MPPED1: variants seen among roughly 807,000 people sequenced by gnomAD.
MPPED1 encodes the protein metallophosphoesterase domain-containing protein 1.
A neutral mutation model predicts 36.2 loss-of-function variants in MPPED1; 16 were observed. The ratio of observed to expected loss-of-function variants is 0.44; its 90% confidence interval spans 0.30 to 0.67. The LOEUF is 0.67. Among genes scored for constraint, MPPED1 ranks in the 30% least tolerant of loss-of-function variants. The probability of loss-of-function intolerance (pLI) is 0.10; values close to 1 mark genes in which losing one functional copy is unlikely to be tolerated. For missense variants in MPPED1, 307 were observed against 453.4 expected, an observed-to-expected ratio of 0.68 and a Z score of 2.93; for synonymous variants, 199 against 191.3, an observed-to-expected ratio of 1.04 and a Z score of -0.33.
At chr22:43,497,057 A>AGGTAGTGGTGGTGGAGG (rs1569090195) in intron 4 of MPPED1, among the ~76,000 whole-genome samples, 1 of 29,116 alleles carries the variant, frequency 3.4e-5, no homozygotes, top group Non-Finnish European at 7.1e-5. Context: ...GGTGGTGGAG[A>AGGTAGTGGTGGTGGAGG]TGGTGGTGGT....
chr22:43,486,206 G>A (rs1323144345), intron 4 of MPPED1, among the ~76,000 whole-genome samples: 1 of 152,240 alleles, frequency 6.6e-6, no homozygotes, highest in African/African-American at 2.4e-5. Context: ...TGACATCTCT[G>A]AGCCTCAGTT....
At chr22:43,431,341 C>A (rs1172305547) in intron 2 of MPPED1, among the ~76,000 whole-genome samples, 2 of 152,054 alleles carry the variant, frequency 1.3e-5, no homozygotes, top group Non-Finnish European at 2.9e-5. Flanking sequence ...TTGTGCCTGG[C>A]CTCTTTCTCC....
At chr22:43,444,949 G>GA (rs940869801) in intron 3 of MPPED1, among the ~76,000 whole-genome samples, 1 of 152,078 alleles carries the variant, frequency 6.6e-6, no homozygotes, top group Admixed American at 6.5e-5. Flanking sequence ...AGCCAGGGTT[G>GA]AAAAAAAAGT....
intron 4 of MPPED1, among the ~76,000 whole-genome samples, chr22:43,481,608 C>G (rs1463342714): frequency 2.0e-5 from 3 of 152,206 alleles, no homozygotes; most frequent in African/African-American, 7.2e-5. Context: ...CAGGTTTATT[C>G]TCCTGCGATT....
chr22:43,442,136 C>T (rs1875855181), intron 3 of MPPED1, among the ~76,000 whole-genome samples: 1 of 151,904 alleles, frequency 6.6e-6, no homozygotes, highest in African/African-American at 2.4e-5. Context: ...CTGTCCTTTC[C>T]AGTCTACTCT....
At chr22:43,500,293 T>A (rs1486507565) in intron 5 of MPPED1, among the ~76,000 whole-genome samples, 13 of 107,696 alleles carry the variant, frequency 1.2e-4, no homozygotes, top group Non-Finnish European at 1.4e-4. Context: ...GTGATGGGGG[T>A]GGTGGTGGTG....
Position 43,462,389 on chromosome 22 carries a change from G to A in MPPED1, c.407-12347G>A, listed in dbSNP as rs1930984946. On this transcript the variant is annotated intron_variant, in intron 3 of 6. Coordinates refer to ENST00000443721, the MANE Select transcript of MPPED1 (RefSeq NM_001044370.2). ...CCACTCCCAGTGCAGCTCTAGTGCT[G>A]CTTCTCTTGTTTCTCGAAGGAACAA... 2.6e-5 allele frequency among the ~76,000 whole-genome samples: 4 copies of A among 152,154 alleles called. No individual in the cohort carries two copies. In the South Asian group the frequency reaches 8.3e-4, roughly 32 times the overall value.
chr22:43,474,878 T>G lies in MPPED1; in HGVS notation c.549T>G (p.Asn183Lys). The G allele has an allele frequency of 1.2e-6, 2 of 1,614,000 alleles. No individual in the cohort carries two copies. Among genetic ancestry groups the G allele is most frequent in the Non-Finnish European group, 8.5e-7 (1 of 1,179,882 alleles). ...VSKLKPENYE[N>K]VQSLLTNCIY... ...AGCTGAAGCCGGAGAACTATGAGAATGTGCAGTCGCTGCTGACCAACTGCA... is the reference window on the plus strand; with the variant it reads ...AGCTGAAGCCGGAGAACTATGAGAAGGTGCAGTCGCTGCTGACCAACTGCA... The change falls in exon 4 of 7, where the codon AAT becomes AAG. Residue 183 changes from asparagine (N) to lysine (K), a missense_variant. Around this residue, in one of 3 missense-constraint regions of MPPED1, gnomAD observed 132 missense variants for 212.3 expected, o/e 0.62. Transcript: ENST00000443721. The surrounding 1 kb of genome is among the most constrained non-coding windows in gnomAD (Gnocchi z 5.2).
intron 1 of MPPED1, chr22:43,418,816 T>C (rs118031208): frequency 0.047 from 7,138 of 152,384 alleles, 213 homozygotes; most frequent in Non-Finnish European, 0.066. Context: ...TGGGTTGTAG[T>C]GGACGTGTCC....
At chr22:43,501,127 CG>C (rs1569092476) in intron 5 of MPPED1, among the ~76,000 whole-genome samples, 1 of 152,154 alleles carries the variant, frequency 6.6e-6, no homozygotes, top group Non-Finnish European at 1.5e-5. Context: ...CAGGTGGAAG[CG>C]GAGGCCTGGG....
At chr22:43,460,258 CCCAAA>C (rs1930906400) in intron 3 of MPPED1, among the ~76,000 whole-genome samples, 1 of 134,304 alleles carries the variant, frequency 7.4e-6, no homozygotes, top group South Asian at 2.4e-4. Flanking sequence ...CAAAAACAAA[CCCAAA>C]CCCCCCCCCC....
chr22:43,494,656 TG>T (rs1292982930), intron 4 of MPPED1, among the ~76,000 whole-genome samples: 1 of 138,302 alleles, frequency 7.2e-6, no homozygotes, highest in Non-Finnish European at 1.5e-5. Context: ...TCCTGGGGGT[TG>T]GCAACATGTC....
At chr22:43,500,343 GTGGTGATGGTGATGGAGGTGGTGA>G (rs1569091978) in intron 5 of MPPED1, among the ~76,000 whole-genome samples, 9 of 144,004 alleles carry the variant, frequency 6.2e-5, no homozygotes, top group Admixed American at 4.7e-4. Flanking sequence ...GGAGGTGGTG[GTGGTGATGGTGATGGAGGTGGTGA>G]TGGGGGTGGT....
chr22:43,484,282 G>A (rs769689796), intron 4 of MPPED1, among the ~76,000 whole-genome samples: 1 of 152,242 alleles, frequency 6.6e-6, no homozygotes, highest in Non-Finnish European at 1.5e-5. Context: ...GGCAAGGCAG[G>A]ATGATCTCCA....
intron 3 of MPPED1, among the ~76,000 whole-genome samples, chr22:43,452,960 C>CTTT (rs35359750): frequency 1.1e-3 from 156 of 144,428 alleles, no homozygotes; most frequent in South Asian, 1.6e-3. Flanking sequence ...TTTAGTCTTA[C>CTTT]TTTTTTTTTT....
intron 4 of MPPED1, among the ~76,000 whole-genome samples, chr22:43,486,361 C>G (rs994269230): frequency 6.6e-6 from 1 of 152,094 alleles, no homozygotes; most frequent in African/African-American, 2.4e-5. Flanking sequence ...GAAAGCCCGG[C>G]CTCTTTGGGG....
chr22:43,496,346 G>A lies in MPPED1; in HGVS notation c.633-1889G>A, dbSNP rs1224446736. 1.4e-3 allele frequency among the ~76,000 whole-genome samples: 46 copies of A among 33,128 alleles called. 3 individuals carry two copies. The highest frequency in any genetic ancestry group is 1.7e-3 in the Non-Finnish European group (34 of 20,296). The allele number at this position is 33,128 out of a possible 152,430, so 21.7% of individuals were successfully genotyped here. ...GGTGGTGATGGAGGTGGTGATGGAG[G>A]TGGTGGTGGTGGAGGTGGTGGTGGT... On this transcript the variant is annotated intron_variant, in intron 4 of 6. Transcript: ENST00000443721.
At chr22:43,497,929 G>GTATATATATATATATATATATA (rs746068497) in intron 4 of MPPED1, among the ~76,000 whole-genome samples, 35 of 48,746 alleles carry the variant, frequency 7.2e-4, no homozygotes, top group African/African-American at 1.6e-3. Flanking sequence ...ATATATATAT[G>GTATATATATATATATATATATA]TATATGTATA....
chr22:43,431,482 G>T (rs1194379238), intron 2 of MPPED1, among the ~76,000 whole-genome samples: 1 of 152,150 alleles, frequency 6.6e-6, no homozygotes, highest in African/African-American at 2.4e-5. Flanking sequence ...CTGGCATTTA[G>T]AGGCATTCAG....
Sources: gnomAD v4.1 joint callset for allele counts (sites outside exome capture counted in the v4.1 genomes callset) on GRCh38, gnomAD v4.1.1 for gene constraint, gnomAD v4.1.1 regional missense constraint, Gnocchi (gnomAD v3.1) non-coding constraint, MANE v1.5 for transcripts, NCBI Gene and HGNC (gene_info 2026-07-23, HGNC 2026-07-21) for gene names.